MYO9B: variants seen among roughly 807,000 people sequenced by gnomAD.
MYO9B encodes myosin IXB.
In MYO9B, 71 loss-of-function variants were observed where a neutral mutation model predicts 229.5. The observed-to-expected ratio is 0.31, with a 90% CI of 0.26 to 0.38. The LOEUF is 0.38. MYO9B is among the 10% of genes least tolerant of loss of function. The pLI is 1.00. For missense variants in MYO9B, 2,255 were observed against 2,920.5 expected, an observed-to-expected ratio of 0.77 and a Z score of 5.25; for synonymous variants, 1,185 against 1,235.8, an observed-to-expected ratio of 0.96 and a Z score of 0.86.
chr19:17,143,149 G>C (rs566601157), intron 2 of MYO9B, among the ~76,000 whole-genome samples: 1 of 152,168 alleles, frequency 6.6e-6, no homozygotes, highest in African/African-American at 2.4e-5. Context: ...TGAGGCACGA[G>C]AATCGCTTGA....
At chr19:17,135,797 C>A (rs534859577) in intron 2 of MYO9B, among the ~76,000 whole-genome samples, 1 of 152,092 alleles carries the variant, frequency 6.6e-6, no homozygotes, top group East Asian at 1.9e-4. Flanking sequence ...CCCTGTGTTA[C>A]GTTCCCAAGA....
chr19:17,122,368 G>A (rs1262325407), intron 2 of MYO9B, among the ~76,000 whole-genome samples: 4 of 152,080 alleles, frequency 2.6e-5, no homozygotes, highest in South Asian at 2.1e-4. Context: ...GTGAAACCTC[G>A]TCTCTACTAA....
At chr19:17,192,087 C>T (rs1438526175) in intron 20 of MYO9B, among the ~76,000 whole-genome samples, 1 of 151,914 alleles carries the variant, frequency 6.6e-6, no homozygotes, top group Non-Finnish European at 1.5e-5. Context: ...CTCCAAGCAG[C>T]TGGGATTACA....
chr19:17,107,769 G>A (rs2057806266), intron 2 of MYO9B, among the ~76,000 whole-genome samples: 1 of 152,200 alleles, frequency 6.6e-6, no homozygotes, highest in Non-Finnish European at 1.5e-5. Context: ...CTTATAACAA[G>A]GACACCACTC....
At chr19:17,151,729 C>T (rs946967776) in intron 3 of MYO9B, among the ~76,000 whole-genome samples, 1 of 152,122 alleles carries the variant, frequency 6.6e-6, no homozygotes, top group Non-Finnish European at 1.5e-5. Flanking sequence ...CCAGCCTGGA[C>T]AACATCACGA....
At chr19:17,206,226 A>AACCCCCC in intron 32 of MYO9B, 22 bp from the exon 33 acceptor site, 16 of 654,234 alleles carry the variant, frequency 2.4e-5, no homozygotes, top group Middle Eastern at 3.7e-4. Context: ...CGCTCACCAG[A>AACCCCCC]CCCACCCCAC....
intron 11 of MYO9B, among the ~76,000 whole-genome samples, chr19:17,170,658 A>G (rs1034076239): frequency 1.2e-5 from 1 of 81,138 alleles, no homozygotes; most frequent in Non-Finnish European, 2.4e-5. Flanking sequence ...AAAAAAAAAA[A>G]AAAAAAAAAA....
At chr19:17,079,537 C>T (rs534255372) in intron 1 of MYO9B, among the ~76,000 whole-genome samples, 91 of 152,316 alleles carry the variant, frequency 6.0e-4, no homozygotes, top group African/African-American at 2.0e-3. Context: ...CCCGGATAAA[C>T]GTCGCTTTTG....
intron 11 of MYO9B, among the ~76,000 whole-genome samples, chr19:17,169,525 A>G (rs988567992): frequency 2.0e-5 from 3 of 151,988 alleles, no homozygotes; most frequent in Non-Finnish European, 4.4e-5. Flanking sequence ...AGGCTGAGGC[A>G]GGAGAATTGT....
At chr19:17,157,220 G>A in intron 7 of MYO9B, 182 bp downstream of exon 7, 1 of 704,748 alleles carries the variant, frequency 1.4e-6, no homozygotes, top group South Asian at 2.4e-5. Flanking sequence ...CTGTGGACAG[G>A]GGCACCTCCT....
chr19:17,135,140 C>T (rs1195876845), intron 2 of MYO9B, among the ~76,000 whole-genome samples: 1 of 152,176 alleles, frequency 6.6e-6, no homozygotes, highest in Non-Finnish European at 1.5e-5. Flanking sequence ...GCAAGCATTT[C>T]TTCCACGTAC....
intron 1 of MYO9B, among the ~76,000 whole-genome samples, chr19:17,082,617 T>G (rs913718414): frequency 6.6e-6 from 1 of 152,060 alleles, no homozygotes; most frequent in Non-Finnish European, 1.5e-5. Flanking sequence ...TCCTGGTGAA[T>G]GTGCCATGGG....
intron 2 of MYO9B, among the ~76,000 whole-genome samples, chr19:17,140,784 G>A (rs372498267): frequency 4.7e-5 from 7 of 149,050 alleles, no homozygotes; most frequent in South Asian, 2.2e-4. Flanking sequence ...CACCGTGCCC[G>A]GCCAGGGTTA....
chr19:17,158,392 G>T (rs901918148), intron 7 of MYO9B, among the ~76,000 whole-genome samples: 1 of 151,862 alleles, frequency 6.6e-6, no homozygotes, highest in Non-Finnish European at 1.5e-5. Context: ...AGAACTTCAG[G>T]CCCCAAAGCC....
intron 2 of MYO9B, among the ~76,000 whole-genome samples, chr19:17,119,431 T>C (rs1418925195): frequency 6.6e-6 from 1 of 152,014 alleles, no homozygotes; most frequent in Admixed American, 6.6e-5. Context: ...AATGAGCGAG[T>C]GCTGAGATGG....
intron 8 of MYO9B, among the ~76,000 whole-genome samples, chr19:17,161,794 C>T (rs180865563): frequency 2.0e-5 from 3 of 151,552 alleles, no homozygotes; most frequent in Admixed American, 2.0e-4. Flanking sequence ...TCAGCCTGGG[C>T]GATAGAACAA....
chr19:17,182,070 CTTTT>C (rs765799238), intron 15 of MYO9B, among the ~76,000 whole-genome samples: 1 of 142,280 alleles, frequency 7.0e-6, no homozygotes, highest in African/African-American at 2.6e-5. Flanking sequence ...ATTCACCGCC[CTTTT>C]TTTTTTTTTT....
chr19:17,094,870 G>A (rs1453410146), intron 1 of MYO9B, among the ~76,000 whole-genome samples: 1 of 152,058 alleles, frequency 6.6e-6, no homozygotes, highest in East Asian at 1.9e-4. Flanking sequence ...TGAGCCAGGG[G>A]AGGTTGAGAC....
intron 20 of MYO9B, 53 bp from the exon 21 acceptor site, chr19:17,192,693 G>T: frequency 6.9e-7 from 1 of 1,450,506 alleles, no homozygotes. Context: ...CCCAGGCACA[G>T]AGATGGTGTC....
Sources: allele counts gnomAD v4.1 joint callset (sites outside exome capture counted in the v4.1 genomes callset), GRCh38; gene constraint gnomAD v4.1.1; transcripts MANE v1.5; gene names NCBI Gene and HGNC (gene_info 2026-07-23, HGNC 2026-07-21).